KMO: variants seen among roughly 807,000 people sequenced by gnomAD.
KMO encodes kynurenine 3-monooxygenase, also known as kynurenine 3-hydroxylase.
Under a neutral mutation model 57.8 loss-of-function variants are expected in KMO, and 24 were observed. That is an observed-to-expected ratio of 0.42 (90% CI 0.30 to 0.58). The LOEUF is 0.58. KMO is among the 20% of genes least tolerant of loss of function. The pLI is 0.22. For synonymous variants in KMO, 210 were observed against 193.6 expected, an observed-to-expected ratio of 1.08 and a Z score of -0.70; for missense variants, 483 against 588.2, an observed-to-expected ratio of 0.82 and a Z score of 1.85.
rs1181931492 is a variant in KMO, at chr1:241,562,148, G to A, written c.450-19G>A. 3 of 1,611,134 alleles carry A rather than the reference G, an allele frequency of 1.9e-6. No individual in the cohort carries two copies. The highest frequency in any genetic ancestry group is 2.5e-6 in the Non-Finnish European group (3 of 1,178,176). ...CACTAGACATATTTTTCTTTTGGAT[G>A]TTTTGTTCTATTTTTCAGATCTGAC... On this transcript the variant is annotated intron_variant, in intron 6 of 14. Transcript: ENST00000366559.
chr1:241,565,388 C>G (rs1431033226), intron 8 of KMO, among the ~76,000 whole-genome samples: 6 of 151,944 alleles, frequency 3.9e-5, no homozygotes, highest in Non-Finnish European at 8.8e-5. Flanking sequence ...AGTGATTCAG[C>G]CTTTAAGGTC....
chr1:241,549,466 TC>T (rs1461889248), intron 2 of KMO, among the ~76,000 whole-genome samples: 2 of 151,950 alleles, frequency 1.3e-5, no homozygotes, highest in South Asian at 2.1e-4. Flanking sequence ...AAAACGCTTT[TC>T]TTAAAAAAAC....
At chr1:241,590,562 A>G (rs1199201941) in intron 14 of KMO, among the ~76,000 whole-genome samples, 1 of 152,194 alleles carries the variant, frequency 6.6e-6, no homozygotes, top group African/African-American at 2.4e-5. Context: ...GCTTCATGCA[A>G]TATTCTTATG....
At chr1:241,560,840 AAG>A (rs1291117068) in intron 6 of KMO, 88 bp downstream of exon 6, 37 of 849,350 alleles carry the variant, frequency 4.4e-5, no homozygotes, top group Non-Finnish European at 7.0e-5. Flanking sequence ...GCTCTTTTGA[AAG>A]AGTTAAAAGA....
At chr1:241,584,093 T>G (rs1662867937) in intron 10 of KMO, among the ~76,000 whole-genome samples, 2 of 152,278 alleles carry the variant, frequency 1.3e-5, no homozygotes, top group Admixed American at 1.3e-4. Flanking sequence ...ACTAGTAATT[T>G]ACATTAGGTA....
intron 10 of KMO, among the ~76,000 whole-genome samples, chr1:241,574,859 T>C (rs1662447673): frequency 6.6e-6 from 1 of 152,032 alleles, no homozygotes; most frequent in Non-Finnish European, 1.5e-5. Flanking sequence ...TCTTTGAATG[T>C]CTGGTAAAAT....
At chr1:241,577,599 C>T (rs1002669279) in intron 10 of KMO, among the ~76,000 whole-genome samples, 1 of 152,074 alleles carries the variant, frequency 6.6e-6, no homozygotes, top group Non-Finnish European at 1.5e-5. Flanking sequence ...TGTACAAGTT[C>T]ACGGTCTCCT....
Position 241,548,838 on chromosome 1 carries a change from T to C in KMO, c.64T>C (p.Leu22=). The change falls in exon 2 of 15, where the codon TTA becomes CTA. Residue 22 remains leucine, a synonymous_variant. Coordinates refer to ENST00000366559, the MANE Select transcript of KMO (RefSeq NM_003679.5). ...TTTTTTTAATTTCTAGGTTGGCTCA[T>C]TACAAGCATGCTTTCTTGCAAAGAG... ...AVIGGGLVGS[L]QACFLAKRNF... The C allele has an allele frequency of 6.3e-7, 1 of 1,592,972 alleles. No homozygotes were observed. Among genetic ancestry groups the C allele is most frequent in the Non-Finnish European group, 8.6e-7 (1 of 1,161,544 alleles).
intron 10 of KMO, 100 bp from the exon 11 acceptor site, chr1:241,586,579 G>T (rs781370930): frequency 1.2e-6 from 1 of 810,750 alleles, no homozygotes. Context: ...AACAGTGTAT[G>T]AATTATCTTC....
intron 12 of KMO, among the ~76,000 whole-genome samples, chr1:241,589,596 G>A (rs1344693152): frequency 1.3e-5 from 2 of 152,166 alleles, no homozygotes; most frequent in African/African-American, 4.8e-5. Context: ...CACAGTATCT[G>A]TCCTAAAAGA....
intron 1 of KMO, chr1:241,536,421 C>T (rs1277244731): frequency 2.8e-6 from 2 of 703,304 alleles, no homozygotes; most frequent in East Asian, 2.7e-4. Context: ...TGAATTCAGT[C>T]CTTAAGACTC....
chr1:241,547,453 G>A (rs1661191477), intron 1 of KMO, among the ~76,000 whole-genome samples: 2 of 151,794 alleles, frequency 1.3e-5, no homozygotes, highest in South Asian at 2.1e-4. Flanking sequence ...AAAAAAGATA[G>A]GCAACCCAAT....
At chr1:241,539,662 C>G (rs902821982) in intron 1 of KMO, among the ~76,000 whole-genome samples, 3 of 152,184 alleles carry the variant, frequency 2.0e-5, no homozygotes, top group Non-Finnish European at 2.9e-5. Flanking sequence ...CTCTTACGCT[C>G]TAGACCATCA....
At chr1:241,544,336 G>C (rs146231808) in intron 1 of KMO, among the ~76,000 whole-genome samples, 12 of 152,290 alleles carry the variant, frequency 7.9e-5, no homozygotes, top group African/African-American at 2.9e-4. Context: ...TCTAATAAAT[G>C]AACCTCCTGT....
intron 10 of KMO, among the ~76,000 whole-genome samples, chr1:241,580,279 A>G (rs1662700550): frequency 6.6e-6 from 1 of 152,092 alleles, no homozygotes; most frequent in Non-Finnish European, 1.5e-5. Flanking sequence ...ATATATCTCT[A>G]CATATCTCTA....
intron 2 of KMO, among the ~76,000 whole-genome samples, chr1:241,549,255 A>C (rs1287340609): frequency 1.2e-4 from 17 of 146,196 alleles, no homozygotes; most frequent in East Asian, 7.9e-4. Flanking sequence ...GAAAGAAAGA[A>C]AGAAAGAAAG....
intron 10 of KMO, among the ~76,000 whole-genome samples, chr1:241,571,903 T>C (rs1404633445): frequency 2.8e-5 from 4 of 144,046 alleles, no homozygotes; most frequent in African/African-American, 1.0e-4. Context: ...AGTCTCGCTC[T>C]GTTGCCAGGC....
chr1:241,548,988 C>T (rs1441490918), intron 2 of KMO, 90 bp downstream of exon 2: 16 of 820,048 alleles, frequency 2.0e-5, no homozygotes, highest in South Asian at 1.1e-4. Flanking sequence ...CGCTTGAGGC[C>T]GGGAGTTTGA....
intron 1 of KMO, chr1:241,536,314 A>G (rs1660749802): frequency 6.3e-6 from 1 of 157,988 alleles, no homozygotes; most frequent in African/African-American, 2.4e-5. Context: ...TGTTAGAGTG[A>G]TATGTTTTCT....
Sources: allele counts gnomAD v4.1 joint callset (sites outside exome capture counted in the v4.1 genomes callset), GRCh38; gene constraint gnomAD v4.1.1; transcripts MANE v1.5; gene names NCBI Gene and HGNC (gene_info 2026-07-23, HGNC 2026-07-21).